MAGI1: variants seen among roughly 807,000 people sequenced by gnomAD.
MAGI1 encodes membrane-associated guanylate kinase, WW and PDZ domain-containing protein 1.
MAGI1 carries 58 observed loss-of-function variants against 139.9 expected under a neutral mutation model. That is an observed-to-expected ratio of 0.41 (90% confidence interval 0.34 to 0.52). The LOEUF (loss-of-function observed/expected upper bound fraction) is 0.52. Among genes scored for constraint, MAGI1 ranks in the 20% least tolerant of loss-of-function variants. The pLI is 0.12. For synonymous variants in MAGI1, 812 were observed against 737.9 expected, an observed-to-expected ratio of 1.10 and a Z score of -1.63; for missense variants, 1,874 against 1,901.6, an observed-to-expected ratio of 0.99 and a Z score of 0.27.
chr3:65,390,527 T>A (rs1297492536), intron 14 of MAGI1, among the ~76,000 whole-genome samples: 1 of 152,142 alleles, frequency 6.6e-6, no homozygotes, highest in Non-Finnish European at 1.5e-5. Flanking sequence ...ACGTTAAACA[T>A]GAGGGTGATA....
chr3:65,683,749 G>C (rs1022306703), intron 1 of MAGI1, among the ~76,000 whole-genome samples: 2 of 151,580 alleles, frequency 1.3e-5, no homozygotes, highest in African/African-American at 4.8e-5. Context: ...ACCACAATGA[G>C]AGCACTTCAC....
chr3:65,706,708 G>A (rs2030362145), intron 1 of MAGI1, among the ~76,000 whole-genome samples: 1 of 152,056 alleles, frequency 6.6e-6, no homozygotes, highest in Admixed American at 6.5e-5. Flanking sequence ...CAGAGACAAA[G>A]CAAATCTGAC....
At chr3:65,577,848 T>C (rs1018691429) in intron 2 of MAGI1, among the ~76,000 whole-genome samples, 2 of 152,218 alleles carry the variant, frequency 1.3e-5, no homozygotes, top group Admixed American at 6.5e-5. Context: ...CATCTCACCC[T>C]GGCTCAGGCA....
intron 2 of MAGI1, chr3:65,549,598 G>A (rs913225127): frequency 6.6e-6 from 3 of 452,128 alleles, no homozygotes; most frequent in South Asian, 9.2e-5. Flanking sequence ...GCGTCAATGC[G>A]CGCTATTCAC....
chr3:65,963,553 T>C (rs1045428238), intron 1 of MAGI1, among the ~76,000 whole-genome samples: 4 of 151,838 alleles, frequency 2.6e-5, no homozygotes, highest in Non-Finnish European at 5.9e-5. Context: ...AAGGCGGAGG[T>C]TGTAGTGAGC....
At chr3:65,712,282 C>A (rs893476760) in intron 1 of MAGI1, among the ~76,000 whole-genome samples, 3 of 151,856 alleles carry the variant, frequency 2.0e-5, no homozygotes, top group African/African-American at 7.3e-5. Context: ...ACCCACCATG[C>A]TCTGAGGAAA....
At chr3:65,982,006 G>A (rs73833312) in intron 1 of MAGI1, among the ~76,000 whole-genome samples, 3,601 of 152,268 alleles carry the variant, frequency 0.024, 47 homozygotes, top group African/African-American at 0.037. Context: ...CTCGTAAGTC[G>A]AGGCATCTGT....
intron 1 of MAGI1, among the ~76,000 whole-genome samples, chr3:65,634,773 ATGT>A (rs1332977618): frequency 6.6e-6 from 1 of 152,174 alleles, no homozygotes; most frequent in Non-Finnish European, 1.5e-5. Flanking sequence ...AGCTAAGGGA[ATGT>A]TGACTATGAA....
At chr3:65,945,216 G>A (rs938802205) in intron 1 of MAGI1, among the ~76,000 whole-genome samples, 1 of 152,100 alleles carries the variant, frequency 6.6e-6, no homozygotes, top group Non-Finnish European at 1.5e-5. Context: ...TTTTTTTGTT[G>A]TTGTTTTTAA....
At chr3:65,667,065 G>A (rs1457720940) in intron 1 of MAGI1, among the ~76,000 whole-genome samples, 1 of 152,200 alleles carries the variant, frequency 6.6e-6, no homozygotes, top group Non-Finnish European at 1.5e-5. Context: ...CGCAGTGAGT[G>A]AAAATGGCAT....
At chr3:65,766,478 G>T (rs1268328880) in intron 1 of MAGI1, among the ~76,000 whole-genome samples, 2 of 152,108 alleles carry the variant, frequency 1.3e-5, no homozygotes, top group Non-Finnish European at 2.9e-5. Context: ...TGGTCAGGCT[G>T]GTCTCAAACT....
At chr3:65,590,794 C>A (rs923219755) in intron 2 of MAGI1, among the ~76,000 whole-genome samples, 14 of 152,072 alleles carry the variant, frequency 9.2e-5, no homozygotes, top group African/African-American at 2.2e-4. Flanking sequence ...TAGACAGAGC[C>A]TCTAAGGCCA....
At chr3:66,011,766 C>G (rs17771496) in intron 1 of MAGI1, among the ~76,000 whole-genome samples, 9,824 of 151,784 alleles carry the variant, frequency 0.065, 420 homozygotes, top group African/African-American at 0.092. Flanking sequence ...CAAAAGCATT[C>G]CCTAACCAAT....
chr3:65,716,174 A>G (rs1405686456), intron 1 of MAGI1, among the ~76,000 whole-genome samples: 3 of 152,214 alleles, frequency 2.0e-5, no homozygotes, highest in Non-Finnish European at 4.4e-5. Flanking sequence ...CTTAGGACTG[A>G]GACACTGTAT....
At chr3:65,776,048 T>C (rs1577076321) in intron 1 of MAGI1, among the ~76,000 whole-genome samples, 1 of 152,292 alleles carries the variant, frequency 6.6e-6, no homozygotes, top group East Asian at 1.9e-4. Flanking sequence ...ACTTACTTAG[T>C]GTGCCCCAAA....
At chr3:66,018,476 A>G (rs1394123682) in intron 1 of MAGI1, among the ~76,000 whole-genome samples, 1 of 152,138 alleles carries the variant, frequency 6.6e-6, no homozygotes, top group Admixed American at 6.5e-5. Context: ...TTTTTTTAAT[A>G]GATGCAGAAA....
At chr3:65,429,415 T>A in intron 12 of MAGI1, 105 bp downstream of exon 12, 1 of 1,200,554 alleles carries the variant, frequency 8.3e-7, no homozygotes, top group Non-Finnish European at 1.2e-6. Context: ...TTTTGAAACA[T>A]TTAAATAAAT....
intron 21 of MAGI1, 130 bp downstream of exon 21, chr3:65,363,335 T>C: frequency 3.6e-6 from 4 of 1,122,862 alleles, no homozygotes; most frequent in Non-Finnish European, 5.0e-6. Flanking sequence ...GTAGGAGTCA[T>C]GCACTTAAGA....
At chr3:65,734,460 GAA>G (rs749370907) in intron 1 of MAGI1, among the ~76,000 whole-genome samples, 3 of 109,394 alleles carry the variant, frequency 2.7e-5, no homozygotes, top group Non-Finnish European at 1.9e-5. Flanking sequence ...ACCCTGTCAA[GAA>G]AAAAAAAAAA....
Sources: gnomAD v4.1 joint callset for allele counts (sites outside exome capture counted in the v4.1 genomes callset) on GRCh38, gnomAD v4.1.1 for gene constraint, MANE v1.5 for transcripts, NCBI Gene and HGNC (gene_info 2026-07-23, HGNC 2026-07-21) for gene names.